The following CTTNBP2 variants were observed in gnomAD, a reference collection of about 807,000 sequenced individuals.
CTTNBP2 encodes cortactin-binding protein 2.
CTTNBP2 carries 108 observed loss-of-function variants against 156.9 expected under a neutral mutation model. That is an observed-to-expected ratio of 0.69 (90% CI 0.59 to 0.81). CTTNBP2 has a LOEUF of 0.81. Among genes scored for constraint, CTTNBP2 ranks in the 30% least tolerant of loss-of-function variants. The probability of loss-of-function intolerance (pLI) is 0.00; values close to 1 mark genes in which losing one functional copy is unlikely to be tolerated. For synonymous variants in CTTNBP2, 767 were observed against 751.8 expected (o/e 1.02, Z -0.33); for missense variants, 1,924 against 2,035.4 (o/e 0.95, Z 1.05).
In CTTNBP2 at chr7:117,791,254, G is replaced by T; in HGVS notation, c.1942C>A (p.Gln648Lys). 6.2e-7 allele frequency: 1 copy of T among 1,614,132 alleles called. No homozygotes were observed. The highest frequency in any genetic ancestry group is 8.5e-7 in the Non-Finnish European group (1 of 1,179,974). ...AGGGAACTGTCTGAACATGCAGGTT[G>T]GTTCAGTCCGGGGGTTGCAGCAGGC... ...AWPAATPGLN[Q>K]PACSDSSLVI... Residue 648 changes from glutamine (Q) to lysine (K), a missense_variant, in exon 4 of 23, where the codon CAA becomes AAA. Transcript: ENST00000160373.
chr7:117,723,066 C>T (rs1219953551), intron 19 of CTTNBP2, among the ~76,000 whole-genome samples: 4 of 152,146 alleles, frequency 2.6e-5, no homozygotes, highest in African/African-American at 9.7e-5. Flanking sequence ...GGGCTGGAGT[C>T]TAGTGATTCT....
chr7:117,801,382 C>T (rs1412219853), intron 3 of CTTNBP2, among the ~76,000 whole-genome samples: 2 of 152,134 alleles, frequency 1.3e-5, no homozygotes, highest in Non-Finnish European at 2.9e-5. Context: ...TACAAAATAC[C>T]TAGCCCATGC....
At chr7:117,818,992 T>A (rs1800785388) in intron 2 of CTTNBP2, among the ~76,000 whole-genome samples, 1 of 151,760 alleles carries the variant, frequency 6.6e-6, no homozygotes, top group South Asian at 2.1e-4. Context: ...AACTCAGGAG[T>A]CTCAAAAGTC....
intron 19 of CTTNBP2, 34 bp from the exon 20 acceptor site, chr7:117,721,164 T>C (rs1310774457): frequency 8.2e-7 from 1 of 1,217,764 alleles, no homozygotes; most frequent in Admixed American, 1.7e-5. Flanking sequence ...CAATAGATCA[T>C]TATCCCTGTG....
At chr7:117,872,552 T>G (rs1197054552) in intron 1 of CTTNBP2, among the ~76,000 whole-genome samples, 1 of 151,748 alleles carries the variant, frequency 6.6e-6, no homozygotes, top group Non-Finnish European at 1.5e-5. Context: ...ACCGGAATAT[T>G]AAGGGGGTGA....
chr7:117,714,183 T>C (rs1321729425), intron 22 of CTTNBP2: 1 of 152,206 alleles, frequency 6.6e-6, no homozygotes, highest in African/African-American at 2.4e-5. Flanking sequence ...GCTTATGCTG[T>C]CAAGTTACCA....
At chr7:117,712,556 T>TGCCTCTGAAG (rs1345195972) in intron 22 of CTTNBP2, among the ~76,000 whole-genome samples, 2 of 152,342 alleles carry the variant, frequency 1.3e-5, no homozygotes, top group East Asian at 3.9e-4. Context: ...CTACTCTGAA[T>TGCCTCTGAAG]GCCTCTGAAG....
At chr7:117,785,117 C>T (rs779470018) in intron 4 of CTTNBP2, among the ~76,000 whole-genome samples, 2 of 152,108 alleles carry the variant, frequency 1.3e-5, no homozygotes, top group Admixed American at 6.5e-5. Context: ...ATTCAATATA[C>T]AATTGTGAAG....
At chr7:117,743,135 C>A (rs1796107915) in intron 14 of CTTNBP2, among the ~76,000 whole-genome samples, 2 of 152,330 alleles carry the variant, frequency 1.3e-5, no homozygotes, top group South Asian at 2.1e-4. Flanking sequence ...CACCATAGAT[C>A]TAGAAATGCT....
intron 2 of CTTNBP2, among the ~76,000 whole-genome samples, chr7:117,825,182 C>A (rs1801206327): frequency 6.6e-6 from 1 of 152,156 alleles, no homozygotes; most frequent in Admixed American, 6.5e-5. Context: ...CCCTTCAAGA[C>A]AAATGGGCTC....
Position 117,811,977 on chromosome 7 carries a change from C to T in CTTNBP2, c.190-988G>A, listed in dbSNP as rs35047237. On this transcript the variant is annotated intron_variant, in intron 2 of 22. Transcript: ENST00000160373. ...TAATGTAAAAATAAATAACAATATT[C>T]GTAGTTTGTAAAATTTGACCAACTA... Among the ~76,000 whole-genome samples the T allele has an allele frequency of 9.9e-3, 1,477 of 149,058 alleles. 27 individuals carry two copies. The highest frequency in any genetic ancestry group is 0.034 in the African/African-American group (1,389 of 40,576).
At chr7:117,816,788 C>T (rs571303787) in intron 2 of CTTNBP2, among the ~76,000 whole-genome samples, 3 of 151,988 alleles carry the variant, frequency 2.0e-5, no homozygotes, top group Non-Finnish European at 4.4e-5. Flanking sequence ...AGATCAACAA[C>T]ATAGACATGT....
In CTTNBP2 at chr7:117,791,686, C is replaced by T; in HGVS notation, c.1510G>A (p.Ala504Thr). 2 of 1,614,156 alleles carry T rather than the reference C, an allele frequency of 1.2e-6. No individual in the cohort carries two copies. The highest frequency in any genetic ancestry group is 1.7e-6 in the Non-Finnish European group (2 of 1,180,020). Residue 504 changes from alanine to threonine, a missense_variant, in exon 4 of 23, where the codon GCA becomes ACA. Coordinates refer to ENST00000160373, the MANE Select transcript of CTTNBP2 (RefSeq NM_033427.3). ...ACTCCAGGCCTTGAGGGAGCACCTG[C>T]TTGAGGGCTTGTAAATCTTGACAGT... ...QALSRFTSPQ[A>T]GAPSRPGVPP... is the part of the protein sequence containing the mutation.
chr7:117,719,895 T>C (rs557495204), intron 20 of CTTNBP2, among the ~76,000 whole-genome samples: 1 of 152,298 alleles, frequency 6.6e-6, no homozygotes, highest in East Asian at 1.9e-4. Flanking sequence ...CTCCTTATTC[T>C]TGCCGTTTCT....
intron 21 of CTTNBP2, 26 bp downstream of exon 21, chr7:117,719,478 C>G (rs968614109): frequency 2.5e-6 from 4 of 1,597,128 alleles, no homozygotes; most frequent in African/African-American, 1.3e-5. Flanking sequence ...TAGAGCCATT[C>G]AATGCCCCCC....
chr7:117,750,153 T>C (rs1353223054), intron 12 of CTTNBP2, among the ~76,000 whole-genome samples: 1 of 152,186 alleles, frequency 6.6e-6, no homozygotes, highest in African/African-American at 2.4e-5. Context: ...CTATTTAATC[T>C]TGTCTCACTT....
chr7:117,725,102 C>A lies in CTTNBP2; in HGVS notation c.4211G>T (p.Ser1404Ile). Reference protein sequence around the residue: ...GQQAVVKAALSILLNKAVLHG... With the variant: ...GQQAVVKAALIILLNKAVLHG... ...CAGTACAGCTTTATTTAGCAAGATG[C>A]TGAGAGCAGCTTTGACCACAGCCTG... The change falls in exon 18 of 23, where the codon AGC becomes ATC. Residue 1404 changes from serine (S) to isoleucine (I), a missense_variant. Physicochemically the swap from Ser to Ile is moderately radical, Grantham distance 142 (BLOSUM62 -2). Coordinates refer to ENST00000160373, the MANE Select transcript of CTTNBP2 (RefSeq NM_033427.3). 1 of 1,613,030 alleles carries A rather than the reference C, an allele frequency of 6.2e-7. No individual in the cohort carries two copies. The highest frequency in any genetic ancestry group is 8.5e-7 in the Non-Finnish European group (1 of 1,180,028).
intron 2 of CTTNBP2, among the ~76,000 whole-genome samples, chr7:117,837,005 T>C (rs1373514686): frequency 6.6e-6 from 1 of 152,198 alleles, no homozygotes; most frequent in Non-Finnish European, 1.5e-5. Context: ...CATCCAATTC[T>C]ACCAATGTTG....
chr7:117,807,172 G>T (rs1484424071), intron 3 of CTTNBP2, among the ~76,000 whole-genome samples: 1 of 151,982 alleles, frequency 6.6e-6, no homozygotes, highest in African/African-American at 2.4e-5. Context: ...ATGCTCCTGG[G>T]GAATCAAAAT....
Sources: allele counts gnomAD v4.1 joint callset (sites outside exome capture counted in the v4.1 genomes callset), GRCh38; gene constraint gnomAD v4.1.1; transcripts MANE v1.5; gene names NCBI Gene and HGNC (gene_info 2026-07-23, HGNC 2026-07-21).